The following SIMC1 variants were observed in gnomAD, a reference collection of about 807,000 sequenced individuals.
SIMC1 encodes the protein SUMO-interacting motif-containing protein 1.
Under a neutral mutation model 82.3 loss-of-function variants are expected in SIMC1, and 55 were observed. The ratio of observed to expected loss-of-function variants is 0.67; its 90% confidence interval spans 0.54 to 0.84. The LOEUF is 0.84. Ranked by LOEUF, SIMC1 falls within the 40% of genes least tolerant of loss-of-function variation. The probability of loss-of-function intolerance (pLI) is 0.00; values close to 1 mark genes in which losing one functional copy is unlikely to be tolerated. For synonymous variants in SIMC1, 353 were observed against 426.3 expected, an observed-to-expected ratio of 0.83 and a Z score of 2.12; for missense variants, 915 against 1,107.2, an observed-to-expected ratio of 0.83 and a Z score of 2.46.
Position 176,333,866 on chromosome 5 carries a change from G to T in SIMC1, c.2172-2854G>T, listed in dbSNP as rs554647297. 3.0e-3 allele frequency among the ~76,000 whole-genome samples: 454 copies of T among 149,248 alleles called. 5 individuals carry two copies. The highest frequency in any genetic ancestry group is 0.011 in the African/African-American group (431 of 40,614). On this transcript the variant is annotated intron_variant, in intron 7 of 9. Coordinates refer to ENST00000429602, the MANE Select transcript of SIMC1 (RefSeq NM_001308195.2). ...ATTGCTGTTTAGTTTCATTTATTTT[G>T]TTTTCTCTCTTTCTCTCTCAATAGT...
chr5:176,325,975 A>C (rs979561629), intron 7 of SIMC1, among the ~76,000 whole-genome samples: 2 of 152,226 alleles, frequency 1.3e-5, no homozygotes, highest in Admixed American at 1.3e-4. Flanking sequence ...GGGATAAAGA[A>C]ATGGTTTTTG....
At chr5:176,273,618 A>G (rs1762545925) in intron 1 of SIMC1, among the ~76,000 whole-genome samples, 2 of 152,200 alleles carry the variant, frequency 1.3e-5, no homozygotes, top group Admixed American at 1.3e-4. Flanking sequence ...CTCGTCATCT[A>G]GCATTAGGTA....
rs1258040137 is a variant in SIMC1 at position 176,290,799 on chromosome 5, A to G, written c.1275A>G (p.Ser425=). The change falls in exon 2 of 10, where the codon TCA becomes TCG. Residue 425 remains serine, a synonymous_variant. Coordinates refer to ENST00000429602, the MANE Select transcript of SIMC1 (RefSeq NM_001308195.2). The part of the protein sequence containing the change: ...ETPARKEISL[S]EPAKPGSAHV... The stretch of plus-strand genomic sequence containing the variant: ...CAGCCAGAAAAGAAATATCACTGTC[A>G]GAGCCTGCCAAACCTGGGTCTGCCC... The G allele has an allele frequency of 6.2e-7, 1 of 1,613,506 alleles. No homozygotes were observed. The highest frequency in any genetic ancestry group is 1.3e-5 in the African/African-American group (1 of 75,016).
intron 4 of SIMC1, among the ~76,000 whole-genome samples, chr5:176,310,505 G>C (rs929393208): frequency 6.6e-6 from 1 of 152,188 alleles, no homozygotes; most frequent in East Asian, 1.9e-4. Context: ...GAACTTGGTT[G>C]TACCTCAGGG....
intron 1 of SIMC1, among the ~76,000 whole-genome samples, chr5:176,255,088 C>T (rs1197309392): frequency 6.6e-6 from 1 of 151,462 alleles, no homozygotes; most frequent in Non-Finnish European, 1.5e-5. Flanking sequence ...ACCAGCCTGG[C>T]CAACATGGTG....
chr5:176,343,345 A>G (rs1297680686), intron 9 of SIMC1, among the ~76,000 whole-genome samples: 2 of 152,184 alleles, frequency 1.3e-5, no homozygotes, highest in African/African-American at 4.8e-5. Context: ...TGGTGTACTT[A>G]TGTGCAACTG....
intron 4 of SIMC1, among the ~76,000 whole-genome samples, chr5:176,298,610 G>A (rs1181441795): frequency 6.6e-6 from 1 of 152,164 alleles, no homozygotes; most frequent in East Asian, 1.9e-4. Context: ...GGGCAACAGA[G>A]CAAGACTCTG....
intron 2 of SIMC1, among the ~76,000 whole-genome samples, chr5:176,292,705 G>A (rs567760439): frequency 2.6e-5 from 4 of 151,960 alleles, no homozygotes; most frequent in Non-Finnish European, 5.9e-5. Flanking sequence ...TACCACTTCC[G>A]GCTTTTTGTA....
At chr5:176,272,384 CAA>C (rs70991523) in intron 1 of SIMC1, among the ~76,000 whole-genome samples, 1 of 143,272 alleles carries the variant, frequency 7.0e-6, no homozygotes, top group Non-Finnish European at 1.5e-5. Flanking sequence ...TGCAATAAGG[CAA>C]AAAAAAAAAC....
chr5:176,259,327 G>A (rs188050743), intron 1 of SIMC1, among the ~76,000 whole-genome samples: 2 of 152,156 alleles, frequency 1.3e-5, no homozygotes, highest in Non-Finnish European at 2.9e-5. Flanking sequence ...AGCCAGGCAT[G>A]GTAGTCCAGC....
chr5:176,288,848 G>A lies in SIMC1; in HGVS notation c.130-806G>A, dbSNP rs532392417. 5.3e-5 allele frequency among the ~76,000 whole-genome samples: 8 copies of A among 152,264 alleles called. No individual in the cohort carries two copies. The South Asian group carries it at 1.2e-3, about 24-fold the overall frequency. ...CAGAAGGTAGAGCAATATTTTTCCA[G>A]GCTCATGGTACAGAGGTTGATTACA... On this transcript the variant is annotated intron_variant, in intron 1 of 9. Transcript: ENST00000429602.
chr5:176,326,279 A>G (rs983341367), intron 7 of SIMC1, among the ~76,000 whole-genome samples: 11 of 152,206 alleles, frequency 7.2e-5, no homozygotes, highest in Non-Finnish European at 1.6e-4. Flanking sequence ...GCCAAATAGT[A>G]CTGGAATAGG....
chr5:176,301,728 A>C (rs890328497), intron 4 of SIMC1, among the ~76,000 whole-genome samples: 3 of 151,972 alleles, frequency 2.0e-5, no homozygotes, highest in African/African-American at 7.2e-5. Flanking sequence ...GCAGTGAGGC[A>C]AGATGGTGCC....
At chr5:176,314,942 A>G (rs1764833510) in intron 5 of SIMC1, among the ~76,000 whole-genome samples, 2 of 152,206 alleles carry the variant, frequency 1.3e-5, no homozygotes, top group African/African-American at 4.8e-5. Context: ...GATTTTGCCC[A>G]ACTGTAAGCT....
Position 176,290,534 on chromosome 5 carries a change from A to G in SIMC1, c.1010A>G (p.His337Arg). 6.2e-7 allele frequency: 1 copy of G among 1,613,912 alleles called. No individual in the cohort carries two copies. The change falls in exon 2 of 10, where the codon CAC becomes CGC. Residue 337 changes from histidine (H) to arginine (R), a missense_variant. By Grantham distance (29) the His-to-Arg change is conservative. Transcript: ENST00000429602. ...CCACAGTCACCAGGGGGCATGCCACACTTACCGGGAGATGTGTTACATTCA... is the reference window on the plus strand; with the variant it reads ...CCACAGTCACCAGGGGGCATGCCACGCTTACCGGGAGATGTGTTACATTCA... ...DAPQSPGGMP[H>R]LPGDVLHSPG...
In SIMC1 at chr5:176,248,646, G is replaced by T. The variant is rs1040220660; in HGVS notation, c.129+10009G>T. On this transcript the variant is annotated intron_variant, in intron 1 of 9. Coordinates refer to ENST00000429602, the MANE Select transcript of SIMC1 (RefSeq NM_001308195.2). ...TGGCCAGAACTTCCAATACTATGTT[G>T]AATGGAGTGGTGAGAGAGGGCATCC... 2.7e-4 allele frequency among the ~76,000 whole-genome samples: 41 copies of T among 152,118 alleles called. 1 individual carries two copies. Among genetic ancestry groups the T allele is most frequent in the African/African-American group, 9.9e-4 (41 of 41,424 alleles).
At chr5:176,256,670 A>T (rs538875272) in intron 1 of SIMC1, among the ~76,000 whole-genome samples, 1 of 152,258 alleles carries the variant, frequency 6.6e-6, no homozygotes, top group Non-Finnish European at 1.5e-5. Context: ...TTATGGAAAC[A>T]TTCCACATAT....
At chr5:176,263,585 C>T (rs1762087924) in intron 1 of SIMC1, 1 of 1,318,436 alleles carries the variant, frequency 7.6e-7, no homozygotes, top group African/African-American at 1.5e-5. Context: ...CTGGCTCAAT[C>T]CCTTGAGAAT....
Position 176,313,761 on chromosome 5 carries a change from A to G in SIMC1, c.1805A>G (p.Gln602Arg). The change falls in exon 5 of 10, where the codon CAG (glutamine) becomes CGG (arginine). Residue 602 changes from glutamine to arginine, a missense_variant. Around this residue, in one of 2 missense-constraint regions of SIMC1, gnomAD observed 902 missense variants for 1,040.3 expected, o/e 0.87. Coordinates refer to ENST00000429602, the MANE Select transcript of SIMC1 (RefSeq NM_001308195.2). ...VVQTLEDDFQ[Q>R]TLRRQRQHLQ... ...CAGACCCTAGAAGATGACTTTCAGC[A>G]GACCCTGAGGAGGCAACGGCAGCAC... is the stretch of plus-strand genomic sequence containing the variant. 6.2e-7 allele frequency: 1 copy of G among 1,614,018 alleles called. No homozygotes were observed. The highest frequency in any genetic ancestry group is 1.3e-5 in the African/African-American group (1 of 75,064).
Sources: allele counts gnomAD v4.1 joint callset (sites outside exome capture counted in the v4.1 genomes callset), GRCh38; gene constraint gnomAD v4.1.1; regional missense constraint gnomAD v4.1.1; transcripts MANE v1.5; gene names NCBI Gene and HGNC (gene_info 2026-07-23, HGNC 2026-07-21).